SPTB: variants seen among roughly 807,000 people sequenced by gnomAD.
The protein encoded by SPTB is spectrin beta, erythrocytic.
A neutral mutation model predicts 256.2 loss-of-function variants in SPTB; 45 were observed. The observed-to-expected ratio is 0.18, with a 90% CI of 0.14 to 0.23. The LOEUF is 0.23. Ranked by LOEUF, SPTB falls within the 10% of genes least tolerant of loss-of-function variation. The pLI, the probability that SPTB is intolerant of heterozygous loss-of-function variation, is 1.00. For missense variants in SPTB, 2,715 were observed against 3,040.4 expected (o/e 0.89, Z 2.52); for synonymous variants, 1,231 against 1,243.1 (o/e 0.99, Z 0.21).
intron 1 of SPTB, among the ~76,000 whole-genome samples, chr14:64,850,227 G>A (rs900516759): frequency 3.3e-5 from 5 of 152,210 alleles, no homozygotes; most frequent in African/African-American, 9.6e-5. Context: ...GCCTTACTCA[G>A]TGCATCACCA....
chr14:64,823,319 T>G lies in SPTB; in HGVS notation c.-51-174A>C. ...CTCTGGGTCGTTTGTTATAAAATAT[T>G]GCAGCAGCAGCAGCAGCAACAGTAC... is the stretch of plus-strand genomic sequence containing the variant. On this transcript the variant is annotated intron_variant, in intron 1 of 35. Coordinates refer to ENST00000644917, the MANE Select transcript of SPTB (RefSeq NM_001355436.2). The surrounding 1 kb of genome is among the most constrained non-coding windows in gnomAD (Gnocchi z 6.5). Among the ~76,000 whole-genome samples, 1 of 152,220 alleles carries G rather than the reference T, an allele frequency of 6.6e-6. No individual in the cohort carries two copies. Among genetic ancestry groups the G allele is most frequent in the South Asian group, 2.1e-4 (1 of 4,818 alleles).
In SPTB at chr14:64,766,857, C is replaced by T. The variant is rs1021821455; in HGVS notation, c.6270-56G>A. Reference sequence around the variant, plus strand: ...AAGCACCCCTCTGAGGCCAGTGCCTCCTGCGAGGCCTGGCTTTTCACCTGC... The same window carrying T: ...AAGCACCCCTCTGAGGCCAGTGCCTTCTGCGAGGCCTGGCTTTTCACCTGC... On this transcript the variant is annotated intron_variant, in intron 31 of 35. Coordinates refer to ENST00000644917, the MANE Select transcript of SPTB (RefSeq NM_001355436.2). The T allele has an allele frequency of 7.7e-5, 123 of 1,593,358 alleles. No individual in the cohort carries two copies. The Admixed American group carries it at 1.7e-3, about 22-fold the overall frequency.
chr14:64,766,147 G>A (rs2082175942), intron 32 of SPTB, among the ~76,000 whole-genome samples: 1 of 150,618 alleles, frequency 6.6e-6, no homozygotes, highest in Non-Finnish European at 1.5e-5. Context: ...ATGTGGGTGG[G>A]TGTGGTGTGT....
rs551739004 is a variant in SPTB, at chr14:64,826,560, G to A, written c.-51-3415C>T. Among the ~76,000 whole-genome samples, 2 of 152,236 alleles carry A rather than the reference G, an allele frequency of 1.3e-5. No homozygotes were observed. The highest frequency in any genetic ancestry group is 4.1e-4 in the South Asian group (2 of 4,826). On this transcript the variant is annotated intron_variant, in intron 1 of 35. Transcript: ENST00000644917. This position sits in a 1 kb window ranked among gnomAD's most constrained non-coding sequence, Gnocchi z 4.4. ...AGTCACGGAGGACCGCAAATACATG[G>A]CTAAAATTAGATCTTAAATTGCACT...
intron 4 of SPTB, 75 bp downstream of exon 4, chr14:64,803,532 A>C: frequency 6.3e-7 from 1 of 1,580,896 alleles, no homozygotes; most frequent in South Asian, 1.1e-5. Flanking sequence ...CACTCTGTTC[A>C]GCATTTTATA....
intron 2 of SPTB, among the ~76,000 whole-genome samples, chr14:64,819,601 G>A (rs7147977): frequency 0.055 from 8,345 of 152,214 alleles, 820 homozygotes; most frequent in African/African-American, 0.19. Context: ...CTGGGGGAAG[G>A]GGAAAGAGCC....
intron 2 of SPTB, among the ~76,000 whole-genome samples, chr14:64,814,278 T>A (rs1458866992): frequency 1.3e-5 from 2 of 152,138 alleles, no homozygotes; most frequent in Admixed American, 6.6e-5. Flanking sequence ...TTTGCTGACA[T>A]GAAAAGATAT....
intron 32 of SPTB, among the ~76,000 whole-genome samples, chr14:64,762,568 C>T (rs533303352): frequency 3.9e-5 from 6 of 152,352 alleles, no homozygotes; most frequent in African/African-American, 1.4e-4. Context: ...CCTGAAGCCA[C>T]ATAAACCTTT....
chr14:64,814,332 T>C (rs2083148131), intron 2 of SPTB, among the ~76,000 whole-genome samples: 1 of 152,190 alleles, frequency 6.6e-6, no homozygotes, highest in South Asian at 2.1e-4. Flanking sequence ...GATTATATTA[T>C]AGATAACACT....
intron 1 of SPTB, among the ~76,000 whole-genome samples, chr14:64,848,369 A>T (rs2083726791): frequency 6.6e-6 from 1 of 152,208 alleles, no homozygotes. Flanking sequence ...CTCTAATAGG[A>T]GCTCCTAAAT....
chr14:64,843,007 G>A (rs1759594844), intron 1 of SPTB, among the ~76,000 whole-genome samples: 1 of 152,136 alleles, frequency 6.6e-6, no homozygotes, highest in African/African-American at 2.4e-5. Flanking sequence ...TGAGGCTGCA[G>A]TGAGCTGTGA....
chr14:64,774,212 G>C (rs534140894), intron 24 of SPTB, among the ~76,000 whole-genome samples, 185 bp downstream of exon 24: 1 of 152,220 alleles, frequency 6.6e-6, no homozygotes, highest in African/African-American at 2.4e-5. Flanking sequence ...AGCTGGAAGT[G>C]ATTCACACAA....
At chr14:64,809,195 G>A (rs1289766438) in intron 2 of SPTB, among the ~76,000 whole-genome samples, 1 of 145,876 alleles carries the variant, frequency 6.9e-6, no homozygotes, top group African/African-American at 2.5e-5. Flanking sequence ...TCAGGAGGCA[G>A]AGGTTGCAGT....
chr14:64,771,376 T>A (rs1033918552), intron 26 of SPTB, among the ~76,000 whole-genome samples: 22 of 152,286 alleles, frequency 1.4e-4, no homozygotes, highest in African/African-American at 5.1e-4. Flanking sequence ...TGCCCTTTGA[T>A]CTCCTCAACA....
At position 64,777,020 on chromosome 14, in the gene SPTB, GAA is replaced by G. The variant is rs1475280159; in HGVS notation, c.4564-1619_4564-1618del. Among the ~76,000 whole-genome samples the G allele has an allele frequency of 6.6e-6, 1 of 152,216 alleles. No individual in the cohort carries two copies. Among genetic ancestry groups the G allele is most frequent in the African/African-American group, 2.4e-5 (1 of 41,448 alleles). The stretch of plus-strand genomic sequence containing the variant: ...GGCCTTCCTCCCTGGGGGCTACGAG[GAA>G]AAGACAACAGTGGGATGGAGAATGT... On this transcript the variant is annotated intron_variant, in intron 22 of 35. Transcript: ENST00000644917. The surrounding 1 kb of genome is among the most constrained non-coding windows in gnomAD (Gnocchi z 4.5).
Position 64,758,532 on chromosome 14 carries a change from C to T in SPTB, c.6346-4739G>A, listed in dbSNP as rs775907525. Among the ~76,000 whole-genome samples the T allele has an allele frequency of 5.3e-5, 8 of 152,366 alleles. No homozygotes were observed. The highest frequency in any genetic ancestry group is 1.9e-4 in the East Asian group (1 of 5,190). On this transcript the variant is annotated intron_variant, in intron 32 of 35. Coordinates refer to ENST00000644917, the MANE Select transcript of SPTB (RefSeq NM_001355436.2). This position sits in a 1 kb window ranked among gnomAD's most constrained non-coding sequence, Gnocchi z 4.6. ...AGGCCCCAGGTCCGGCCAAAGACAA[C>T]GGCGTGCTGCTGAGTGGAGGGCTCT...
intron 2 of SPTB, among the ~76,000 whole-genome samples, chr14:64,819,515 A>G (rs916529345): frequency 6.6e-6 from 1 of 152,028 alleles, no homozygotes; most frequent in Non-Finnish European, 1.5e-5. Flanking sequence ...AGACACAGCC[A>G]GGGTCGTGGA....
chr14:64,787,244 A>G (rs2082588757), intron 15 of SPTB, 84 bp from the exon 16 acceptor site: 2 of 1,542,262 alleles, frequency 1.3e-6, no homozygotes, highest in Admixed American at 3.5e-5. Context: ...ACCCCTTCCC[A>G]CATTTCCCAC....
At chr14:64,751,943 A>AAAAAAAAAAAAAAAAAAT (rs2081956876) in intron 33 of SPTB, among the ~76,000 whole-genome samples, 1 of 146,928 alleles carries the variant, frequency 6.8e-6, no homozygotes, top group Non-Finnish European at 1.5e-5. Flanking sequence ...AAAAAAAAAA[A>AAAAAAAAAAAAAAAAAAT]ATTAGCCAGG....
Sources: gnomAD v4.1 joint callset for allele counts (sites outside exome capture counted in the v4.1 genomes callset) on GRCh38, gnomAD v4.1.1 for gene constraint, Gnocchi (gnomAD v3.1) non-coding constraint, MANE v1.5 for transcripts, NCBI Gene and HGNC (gene_info 2026-07-23, HGNC 2026-07-21) for gene names.